TRPC6: variants seen among roughly 807,000 people sequenced by gnomAD.
TRPC6 encodes short transient receptor potential channel 6.
TRPC6 carries 55 observed loss-of-function variants against 90.7 expected under a neutral mutation model. The observed-to-expected ratio is 0.61, with a 90% CI of 0.49 to 0.76. TRPC6 has a LOEUF of 0.76. Ranked by LOEUF, TRPC6 falls within the 30% of genes least tolerant of loss-of-function variation. The pLI, the probability that TRPC6 is intolerant of heterozygous loss-of-function variation, is 0.00. For synonymous variants in TRPC6, 393 were observed against 393.0 expected, an observed-to-expected ratio of 1.00 and a Z score of 0.00; for missense variants, 989 against 1,122.7, an observed-to-expected ratio of 0.88 and a Z score of 1.70.
chr11:101,478,644 G>GA (rs1859471763), intron 5 of TRPC6, among the ~76,000 whole-genome samples: 1 of 152,098 alleles, frequency 6.6e-6, no homozygotes, highest in African/African-American at 2.4e-5. Flanking sequence ...AGCTGCCAAG[G>GA]AGAGTTTGAA....
intron 1 of TRPC6, among the ~76,000 whole-genome samples, chr11:101,569,504 T>C (rs1453038018): frequency 6.6e-6 from 1 of 152,184 alleles, no homozygotes; most frequent in Non-Finnish European, 1.5e-5. Flanking sequence ...AACTCAGCTC[T>C]GGACCAATCA....
At position 101,499,689 on chromosome 11, in the gene TRPC6, TAA is replaced by T. The variant is rs1475472970; in HGVS notation, c.945+4333_945+4334del. Among the ~76,000 whole-genome samples the T allele has an allele frequency of 1.1e-4, 14 of 126,708 alleles. 1 individual carries two copies. Among genetic ancestry groups the T allele is most frequent in the Non-Finnish European group, 2.0e-4 (12 of 61,462 alleles). The allele number at this position is 126,708 out of a possible 152,430, so 83.1% of individuals were successfully genotyped here. A position where few individuals can be genotyped will look rare whatever the true frequency, so the allele number is the denominator to read the frequency against. ...AATGTGTATATATATATACACAATA[TAA>T]AATGTGTATATATATATACACATTT... is the stretch of plus-strand genomic sequence containing the variant. On this transcript the variant is annotated intron_variant, in intron 2 of 12. Transcript: ENST00000344327.
In TRPC6 at chr11:101,452,939, T is replaced by G; in HGVS notation, c.*16A>C. The G allele has an allele frequency of 6.2e-7, 1 of 1,613,514 alleles. No homozygotes were observed. Among genetic ancestry groups the G allele is most frequent in the Non-Finnish European group, 8.5e-7 (1 of 1,179,542 alleles). ...AAGTGGACAAATAAATATGAATTTC[T>G]AAGGAAGTCTTCGCATTATCTATTG... On this transcript the variant is annotated 3_prime_UTR_variant, in exon 13 of 13. Coordinates refer to ENST00000344327, the MANE Select transcript of TRPC6 (RefSeq NM_004621.6).
intron 10 of TRPC6, among the ~76,000 whole-genome samples, chr11:101,467,928 T>C (rs1003224381): frequency 6.6e-6 from 1 of 152,362 alleles, no homozygotes; most frequent in East Asian, 1.9e-4. Flanking sequence ...TTAAATACCT[T>C]ATTTTCCATT....
chr11:101,583,660 C>A lies in TRPC6; in HGVS notation c.-157G>T. 1.4e-6 allele frequency: 1 copy of A among 736,486 alleles called. No homozygotes were observed. Among genetic ancestry groups the A allele is most frequent in the South Asian group, 2.9e-5 (1 of 34,100 alleles). 45.6% of individuals were successfully genotyped at this position (736,486 alleles called of 1,614,324 possible). On this transcript the variant is annotated 5_prime_UTR_variant, in exon 1 of 13. Coordinates refer to ENST00000344327, the MANE Select transcript of TRPC6 (RefSeq NM_004621.6). The stretch of plus-strand genomic sequence containing the variant: ...CGGTGAAGCAGGGGGTGCAGACGCC[C>A]GCCGCAAGTGGCTCGCCCACTGGCC...
rs1297991411 is a variant in TRPC6 at position 101,471,273 on chromosome 11, C to T, written c.2319G>A (p.Leu773=). Residue 773 remains leucine (L), a synonymous_variant, in exon 9 of 13, where the codon CTG becomes CTA. Coordinates refer to ENST00000344327, the MANE Select transcript of TRPC6 (RefSeq NM_004621.6). ...TTTTAAGCTTCAGTAAGAGATAAAA[C>T]AGGGACTTTGGACTCGGCACCAGAT... ...PFNLVPSPKS[L]FYLLLKLKKW... is the part of the protein sequence containing the mutation. The T allele has an allele frequency of 6.2e-7, 1 of 1,613,852 alleles. No homozygotes were observed. The highest frequency in any genetic ancestry group is 8.5e-7 in the Non-Finnish European group (1 of 1,179,896).
At position 101,491,723 on chromosome 11, in the gene TRPC6, G is replaced by A. The variant is rs201197962; in HGVS notation, c.961C>T (p.Leu321=). The A allele has an allele frequency of 2.5e-6, 4 of 1,604,796 alleles. No homozygotes were observed. The Middle Eastern group carries it at 5.0e-4, about 200-fold the overall frequency. ...ACAAAGTCTTTGCACTGCATTGACAGTTTTTTGTAGTCATTCTAGGAAAAA... is the reference window on the plus strand; with the variant it reads ...ACAAAGTCTTTGCACTGCATTGACAATTTTTTGTAGTCATTCTAGGAAAAA... ...EKEFKNDYKK[L]SMQCKDFVVG... is the part of the protein sequence containing the mutation. Residue 321 remains leucine, a synonymous_variant, in exon 3 of 13, where the codon CTG becomes TTG. Transcript: ENST00000344327.
At chr11:101,568,396 CT>C (rs1179202848) in intron 1 of TRPC6, among the ~76,000 whole-genome samples, 3 of 152,096 alleles carry the variant, frequency 2.0e-5, no homozygotes, top group Non-Finnish European at 4.4e-5. Context: ...ATTGGTGTAC[CT>C]GAAAGTGATG....
rs1013552459 is a variant in TRPC6, at chr11:101,578,435, A to C, written c.170+4899T>G. ...CAATACTAACTTTTTTTGCCTGGAG[A>C]AAAGAAAACAATATGTGGGGGATTT... On this transcript the variant is annotated intron_variant, in intron 1 of 12. Coordinates refer to ENST00000344327, the MANE Select transcript of TRPC6 (RefSeq NM_004621.6). Among the ~76,000 whole-genome samples the C allele has an allele frequency of 2.6e-5, 4 of 152,100 alleles. No individual in the cohort carries two copies. In the East Asian group the frequency reaches 5.8e-4, roughly 22 times the overall value.
intron 2 of TRPC6, among the ~76,000 whole-genome samples, chr11:101,498,402 G>C (rs1283183556): frequency 1.3e-5 from 2 of 151,996 alleles, no homozygotes; most frequent in Non-Finnish European, 2.9e-5. Flanking sequence ...TTTTCTTCTT[G>C]TTCCTGTGGC....
intron 1 of TRPC6, among the ~76,000 whole-genome samples, chr11:101,567,066 C>T (rs1188961540): frequency 2.0e-5 from 1 of 51,190 alleles, no homozygotes; most frequent in African/African-American, 8.0e-5. Flanking sequence ...TGGCTCGGGG[C>T]GGGGTGGGGG....
intron 1 of TRPC6, among the ~76,000 whole-genome samples, chr11:101,563,817 G>A (rs1471426490): frequency 6.6e-6 from 1 of 152,160 alleles, no homozygotes; most frequent in African/African-American, 2.4e-5. Flanking sequence ...GGGCAGTACA[G>A]GCCTCCGCAT....
At chr11:101,456,277 C>T (rs1858880999) in intron 10 of TRPC6, among the ~76,000 whole-genome samples, 1 of 152,258 alleles carries the variant, frequency 6.6e-6, no homozygotes, top group East Asian at 1.9e-4. Context: ...CCTTGTCTGA[C>T]AATGAAGGAA....
At chr11:101,557,980 C>T (rs962400898) in intron 1 of TRPC6, among the ~76,000 whole-genome samples, 1 of 151,994 alleles carries the variant, frequency 6.6e-6, no homozygotes, top group Non-Finnish European at 1.5e-5. Context: ...AGATTCAATG[C>T]AATCCTTTTC....
rs533630365 is a variant in TRPC6 at position 101,565,643 on chromosome 11, T to C, written c.170+17691A>G. On this transcript the variant is annotated intron_variant, in intron 1 of 12. Coordinates refer to ENST00000344327, the MANE Select transcript of TRPC6 (RefSeq NM_004621.6). ...CTGACATCTTATCAAGCATATCATA[T>C]AGACCCATCATTTCTGCCCCTAAAA... Among the ~76,000 whole-genome samples, 31 of 152,210 alleles carry C rather than the reference T, an allele frequency of 2.0e-4. No individual in the cohort carries two copies. The East Asian group carries it at 5.8e-3, about 28-fold the overall frequency.
chr11:101,582,867 C>G (rs117722800), intron 1 of TRPC6, among the ~76,000 whole-genome samples: 1 of 152,092 alleles, frequency 6.6e-6, no homozygotes, highest in Admixed American at 6.5e-5. Flanking sequence ...GACCGCCGGG[C>G]GCACCCAGCA....
At chr11:101,505,208 G>A (rs1454845678) in intron 1 of TRPC6, among the ~76,000 whole-genome samples, 1 of 152,150 alleles carries the variant, frequency 6.6e-6, no homozygotes, top group African/African-American at 2.4e-5. Flanking sequence ...ATCCACTCAA[G>A]TTAACAAATA....
intron 2 of TRPC6, among the ~76,000 whole-genome samples, chr11:101,493,407 A>G (rs1036231140): frequency 6.6e-6 from 1 of 152,164 alleles, no homozygotes; most frequent in Non-Finnish European, 1.5e-5. Context: ...GTTGTATTGC[A>G]GGTGGATGGT....
intron 1 of TRPC6, among the ~76,000 whole-genome samples, chr11:101,561,126 CT>C (rs1861702289): frequency 6.6e-6 from 1 of 151,884 alleles, no homozygotes; most frequent in East Asian, 1.9e-4. Flanking sequence ...ATAGTGTATC[CT>C]TGAGTCATCC....
Sources: gnomAD v4.1 joint callset for allele counts (sites outside exome capture counted in the v4.1 genomes callset) on GRCh38, gnomAD v4.1.1 for gene constraint, MANE v1.5 for transcripts, NCBI Gene and HGNC (gene_info 2026-07-23, HGNC 2026-07-21) for gene names.